GRIA4: variants seen among roughly 807,000 people sequenced by gnomAD.
The protein encoded by GRIA4 is glutamate ionotropic receptor AMPA type subunit 4.
Under a neutral mutation model 104.0 loss-of-function variants are expected in GRIA4, and 34 were observed. The observed-to-expected ratio is 0.33, with a 90% CI of 0.25 to 0.44. The LOEUF is 0.44. Among genes scored for constraint, GRIA4 ranks in the 20% least tolerant of loss-of-function variants. The pLI, the probability that GRIA4 is intolerant of heterozygous loss-of-function variation, is 1.00. For synonymous variants in GRIA4, 386 were observed against 381.9 expected, an observed-to-expected ratio of 1.01 and a Z score of -0.13; for missense variants, 750 against 1,096.5, an observed-to-expected ratio of 0.68 and a Z score of 4.46.
chr11:105,851,116 G>A (rs753420891), intron 4 of GRIA4, among the ~76,000 whole-genome samples: 4 of 151,968 alleles, frequency 2.6e-5, no homozygotes, highest in Non-Finnish European at 5.9e-5. Flanking sequence ...AATATTAAAG[G>A]TCATGGATTT....
chr11:105,898,401 T>C lies in GRIA4; in HGVS notation c.859T>C (p.Tyr287His), dbSNP rs1946736266. 1.3e-6 allele frequency: 2 copies of C among 1,591,720 alleles called. No homozygotes were observed. Among genetic ancestry groups the C allele is most frequent in the Non-Finnish European group, 1.7e-6 (2 of 1,160,542 alleles). The stretch of plus-strand genomic sequence containing the variant: ...CTGGAAGAAACTAGATCAGAGAGAG[T>C]ATCCAGGATCTGAGACTCCTCCAAA... ...DRWKKLDQREYPGSETPPKYT... is the reference protein window; with the variant it reads ...DRWKKLDQREHPGSETPPKYT... Residue 287 changes from tyrosine to histidine, a missense_variant, in exon 7 of 17, where the codon TAT (tyrosine) becomes CAT (histidine). This residue lies in a region of GRIA4 where 410 missense variants were observed against 502.7 expected (regional missense o/e 0.82). Coordinates refer to ENST00000282499, the MANE Select transcript of GRIA4 (RefSeq NM_000829.4).
At chr11:105,867,853 C>G (rs1423930188) in intron 5 of GRIA4, among the ~76,000 whole-genome samples, 1 of 152,142 alleles carries the variant, frequency 6.6e-6, no homozygotes, top group Non-Finnish European at 1.5e-5. Context: ...ATATAGGATT[C>G]AGTGGCATAC....
intron 14 of GRIA4, chr11:105,965,842 T>C: frequency 1.2e-6 from 1 of 817,498 alleles, no homozygotes; most frequent in Non-Finnish European, 2.0e-6. Context: ...AAATGAGAGG[T>C]TTATTTAGCG....
intron 4 of GRIA4, among the ~76,000 whole-genome samples, chr11:105,814,222 A>G (rs1943288915): frequency 6.6e-6 from 1 of 152,156 alleles, no homozygotes; most frequent in Non-Finnish European, 1.5e-5. Flanking sequence ...GGATGGCATG[A>G]TCTGATTTAT....
At chr11:105,890,642 C>T (rs1054095500) in intron 6 of GRIA4, among the ~76,000 whole-genome samples, 1 of 152,136 alleles carries the variant, frequency 6.6e-6, no homozygotes, top group African/African-American at 2.4e-5. Context: ...CACCTCCAAC[C>T]AGGCCAAAAG....
intron 16 of GRIA4, among the ~76,000 whole-genome samples, chr11:105,975,187 A>C (rs2136291285): frequency 6.6e-6 from 1 of 152,160 alleles, no homozygotes; most frequent in East Asian, 1.9e-4. Flanking sequence ...TTTTGACTAC[A>C]ATTCACATTT....
chr11:105,965,314 A>C lies in GRIA4; in HGVS notation c.2295-6600A>C, dbSNP rs974318850. Among the ~76,000 whole-genome samples the C allele has an allele frequency of 2.7e-5, 4 of 150,744 alleles. 1 individual carries two copies. The highest frequency in any genetic ancestry group is 4.4e-5 in the Non-Finnish European group (3 of 67,702). ...CCAAATAGCATTCAATGCCTTTAAG[A>C]ATTAACACAAAATTTAGATGTAAGA... On this transcript the variant is annotated intron_variant, in intron 14 of 16. Transcript: ENST00000282499.
intron 3 of GRIA4, among the ~76,000 whole-genome samples, chr11:105,727,409 T>G (rs887744065): frequency 6.6e-6 from 1 of 152,148 alleles, no homozygotes; most frequent in African/African-American, 2.4e-5. Context: ...CTGATTGGTG[T>G]ACCTGAAAGT....
chr11:105,892,177 C>T (rs958757605), intron 6 of GRIA4, among the ~76,000 whole-genome samples: 1 of 152,054 alleles, frequency 6.6e-6, no homozygotes, highest in Non-Finnish European at 1.5e-5. Context: ...CCACAGCACC[C>T]GTCAGGGGGA....
At chr11:105,729,832 T>A (rs917701140) in intron 3 of GRIA4, among the ~76,000 whole-genome samples, 1 of 152,072 alleles carries the variant, frequency 6.6e-6, no homozygotes, top group African/African-American at 2.4e-5. Context: ...AAACACTCAA[T>A]AAACTAGGAA....
intron 16 of GRIA4, 99 bp downstream of exon 16, chr11:105,974,543 T>G (rs1243107014): frequency 1.2e-6 from 2 of 1,613,360 alleles, no homozygotes; most frequent in Non-Finnish European, 1.7e-6. Flanking sequence ...GAACCGAAAG[T>G]ATTAAAATTT....
intron 4 of GRIA4, among the ~76,000 whole-genome samples, chr11:105,788,519 A>T (rs1189819665): frequency 2.0e-5 from 3 of 152,210 alleles, no homozygotes; most frequent in Non-Finnish European, 4.4e-5. Flanking sequence ...GACTGTATTA[A>T]AAATATATAT....
At chr11:105,959,672 G>A (rs1948685631) in intron 14 of GRIA4, among the ~76,000 whole-genome samples, 1 of 152,186 alleles carries the variant, frequency 6.6e-6, no homozygotes, top group African/African-American at 2.4e-5. Context: ...ATCTGGAGGA[G>A]AATAGGCACT....
intron 3 of GRIA4, among the ~76,000 whole-genome samples, chr11:105,740,989 G>A (rs149096430): frequency 7.2e-4 from 109 of 152,264 alleles, no homozygotes; most frequent in African/African-American, 2.5e-3. Flanking sequence ...TCTCTGTTGA[G>A]AGGAGCATAA....
rs116860182 is a variant in GRIA4, at chr11:105,780,017, C to T, written c.487+26797C>T. Among the ~76,000 whole-genome samples, 3 of 152,234 alleles carry T rather than the reference C, an allele frequency of 2.0e-5. No homozygotes were observed. The East Asian group carries it at 5.8e-4, about 29-fold the overall frequency. ...GTATTAAGATAGTGGAATTGTGGAACATTAAATAGTTCTCAAAGAGATAAT... is the reference window on the plus strand; with the variant it reads ...GTATTAAGATAGTGGAATTGTGGAATATTAAATAGTTCTCAAAGAGATAAT... On this transcript the variant is annotated intron_variant, in intron 4 of 16. Coordinates refer to ENST00000282499, the MANE Select transcript of GRIA4 (RefSeq NM_000829.4).
intron 4 of GRIA4, among the ~76,000 whole-genome samples, chr11:105,756,187 T>C (rs1201354944): frequency 1.3e-5 from 2 of 152,184 alleles, no homozygotes; most frequent in Non-Finnish European, 2.9e-5. Flanking sequence ...CCAAGGAATA[T>C]AGCATATTGA....
intron 4 of GRIA4, among the ~76,000 whole-genome samples, chr11:105,816,848 C>T (rs1430040488): frequency 2.0e-5 from 3 of 151,852 alleles, no homozygotes; most frequent in African/African-American, 7.2e-5. Context: ...CCCATGTCTA[C>T]AAAAAATAAA....
chr11:105,799,386 T>C (rs946532804), intron 4 of GRIA4, among the ~76,000 whole-genome samples: 1 of 152,064 alleles, frequency 6.6e-6, no homozygotes, highest in Non-Finnish European at 1.5e-5. Flanking sequence ...GTAGTTTCGA[T>C]GTCAAGAGGA....
chr11:105,671,202 G>T (rs368152422), intron 3 of GRIA4, among the ~76,000 whole-genome samples: 19 of 152,032 alleles, frequency 1.2e-4, no homozygotes, highest in South Asian at 4.1e-4. Flanking sequence ...ATATTCACAG[G>T]TACCAGGTGT....
Sources: allele counts gnomAD v4.1 joint callset (sites outside exome capture counted in the v4.1 genomes callset), GRCh38; gene constraint gnomAD v4.1.1; regional missense constraint gnomAD v4.1.1; transcripts MANE v1.5; gene names NCBI Gene and HGNC (gene_info 2026-07-23, HGNC 2026-07-21).